Variants in TMEM232 observed in about 807,000 individuals in gnomAD.
TMEM232 encodes transmembrane protein 232.
Under a neutral mutation model 78.8 loss-of-function variants are expected in TMEM232, and 80 were observed. The observed-to-expected ratio is 1.01, with a 90% CI of 0.85 to 1.22. The LOEUF is 1.22. TMEM232 is among the 50% of genes most tolerant of loss of function. The probability of loss-of-function intolerance (pLI) is 0.00; values close to 1 mark genes in which losing one functional copy is unlikely to be tolerated. For synonymous variants in TMEM232, 297 were observed against 254.3 expected (o/e 1.17, Z -1.60); for missense variants, 881 against 742.2 (o/e 1.19, Z -2.17).
intron 1 of TMEM232, among the ~76,000 whole-genome samples, chr5:110,719,184 T>A (rs1193460188): frequency 6.6e-6 from 1 of 151,844 alleles, no homozygotes; most frequent in Non-Finnish European, 1.5e-5. Flanking sequence ...CATATGTATA[T>A]ACATGTATAT....
At chr5:110,598,074 G>A (rs997430562) in intron 10 of TMEM232, among the ~76,000 whole-genome samples, 7 of 152,012 alleles carry the variant, frequency 4.6e-5, no homozygotes, top group Admixed American at 1.3e-4. Flanking sequence ...GAGCATACAG[G>A]CAACCTACAA....
intron 1 of TMEM232, among the ~76,000 whole-genome samples, chr5:110,717,390 T>G (rs553752021): frequency 6.6e-6 from 1 of 152,148 alleles, no homozygotes; most frequent in South Asian, 2.1e-4. Flanking sequence ...CATGCTGATT[T>G]GACATGATCC....
chr5:110,689,262 G>A (rs1175029977), intron 1 of TMEM232, among the ~76,000 whole-genome samples: 1 of 152,090 alleles, frequency 6.6e-6, no homozygotes, highest in African/African-American at 2.4e-5. Flanking sequence ...AACCAATCAA[G>A]CAAAACAGAG....
chr5:110,657,503 A>G (rs1789247424), intron 2 of TMEM232, among the ~76,000 whole-genome samples: 2 of 152,164 alleles, frequency 1.3e-5, no homozygotes, highest in South Asian at 4.1e-4. Flanking sequence ...GCACAGAAGG[A>G]TAAACACCAC....
intron 11 of TMEM232, among the ~76,000 whole-genome samples, chr5:110,558,270 T>C (rs977618504): frequency 2.6e-5 from 4 of 152,102 alleles, no homozygotes; most frequent in Non-Finnish European, 4.4e-5. Flanking sequence ...CCCACTCTTA[T>C]GTACCAGTAG....
intron 11 of TMEM232, among the ~76,000 whole-genome samples, chr5:110,530,576 C>T (rs1173443007): frequency 1.3e-5 from 2 of 152,154 alleles, no homozygotes; most frequent in South Asian, 2.1e-4. Context: ...CCATTTGTAA[C>T]AACATGGATG....
intron 8 of TMEM232, among the ~76,000 whole-genome samples, chr5:110,617,587 T>G (rs1783100275): frequency 6.6e-6 from 1 of 152,164 alleles, no homozygotes; most frequent in Non-Finnish European, 1.5e-5. Context: ...ACTGAACTCA[T>G]GCTGAAACTA....
chr5:110,563,604 G>GT (rs1775998220), intron 11 of TMEM232, among the ~76,000 whole-genome samples: 1 of 151,856 alleles, frequency 6.6e-6, no homozygotes, highest in African/African-American at 2.4e-5. Flanking sequence ...AAATTAGGCT[G>GT]TAATTTTTTT....
chr5:110,610,798 T>C (rs1782177276), intron 8 of TMEM232, among the ~76,000 whole-genome samples: 2 of 151,980 alleles, frequency 1.3e-5, no homozygotes, highest in Non-Finnish European at 2.9e-5. Context: ...AAATAAACAC[T>C]GTTATCATAG....
chr5:110,668,540 G>T (rs1241925002), intron 1 of TMEM232, among the ~76,000 whole-genome samples: 1 of 152,014 alleles, frequency 6.6e-6, no homozygotes, highest in Non-Finnish European at 1.5e-5. Context: ...AGCAAAATAT[G>T]GATCACAGAC....
intron 1 of TMEM232, among the ~76,000 whole-genome samples, chr5:110,726,057 G>T (rs1798114687): frequency 6.6e-6 from 1 of 150,694 alleles, no homozygotes; most frequent in African/African-American, 2.5e-5. Flanking sequence ...AAGATTAACG[G>T]CTTTTAAAAA....
At chr5:110,389,193 G>A (rs759715028) in intron 4 of TMEM232, among the ~76,000 whole-genome samples, 6 of 152,018 alleles carry the variant, frequency 3.9e-5, no homozygotes, top group East Asian at 1.9e-4. Flanking sequence ...CCTAGGAGGC[G>A]GAGGCTGCAG....
intron 1 of TMEM232, among the ~76,000 whole-genome samples, chr5:110,721,531 G>C (rs866735982): frequency 1.3e-5 from 2 of 150,872 alleles, no homozygotes; most frequent in Middle Eastern, 6.8e-3. Context: ...TTGTTCTCAA[G>C]ATAACAGTAT....
intron 3 of TMEM232, among the ~76,000 whole-genome samples, chr5:110,394,466 C>T (rs181500734): frequency 3.5e-4 from 53 of 152,258 alleles, no homozygotes; most frequent in Admixed American, 3.5e-3. Flanking sequence ...TGGTTATATA[C>T]CTACCAATAG....
chr5:110,483,698 A>G (rs1764156994), intron 12 of TMEM232, among the ~76,000 whole-genome samples: 1 of 152,108 alleles, frequency 6.6e-6, no homozygotes. Context: ...ATGTATACAT[A>G]TGTAACTAAC....
rs139577542 is a variant in TMEM232, at chr5:110,564,394, T to G, written c.1455+4053A>C. 6.6e-3 allele frequency among the ~76,000 whole-genome samples: 1,009 copies of G among 152,100 alleles called. 21 individuals carry two copies. Among genetic ancestry groups the G allele is most frequent in the African/African-American group, 0.022 (934 of 41,540 alleles). On this transcript the variant is annotated intron_variant, in intron 11 of 13. Coordinates refer to ENST00000455884, the MANE Select transcript of TMEM232 (RefSeq NM_001039763.4). ...GAAGAATGAATGGCCTATTTCAAAA[T>G]GGCTTTCTTTGAATATGGAGAAAAA...
chr5:110,623,453 T>C lies in TMEM232; in HGVS notation c.768+1814A>G, dbSNP rs1784035778. 1.3e-5 allele frequency among the ~76,000 whole-genome samples: 2 copies of C among 152,312 alleles called. 1 individual carries two copies. On this transcript the variant is annotated intron_variant, in intron 7 of 13. Coordinates refer to ENST00000455884, the MANE Select transcript of TMEM232 (RefSeq NM_001039763.4). Reference sequence around the variant, plus strand: ...GAATAAATTCACAAATCCTCTGCTATAATATACTAAAACAATCATAAGGAA... The same window carrying C: ...GAATAAATTCACAAATCCTCTGCTACAATATACTAAAACAATCATAAGGAA...
upstream of TMEM232, among the ~76,000 whole-genome samples, chr5:110,727,970 G>A (rs1286438223): frequency 6.6e-6 from 1 of 152,088 alleles, no homozygotes; most frequent in African/African-American, 2.4e-5. Context: ...CTGGGGGCTT[G>A]CTTGTTTTAA....
At chr5:110,525,626 AT>A (rs1042583471) in intron 12 of TMEM232, among the ~76,000 whole-genome samples, 12 of 151,992 alleles carry the variant, frequency 7.9e-5, no homozygotes, top group Non-Finnish European at 8.8e-5. Context: ...TCTAAAGTTA[AT>A]TTTTTTAAGT....
Sources: allele counts gnomAD v4.1 joint callset (sites outside exome capture counted in the v4.1 genomes callset), GRCh38; gene constraint gnomAD v4.1.1; transcripts MANE v1.5; gene names NCBI Gene and HGNC (gene_info 2026-07-23, HGNC 2026-07-21).